LMNTD1: variants seen among roughly 807,000 people sequenced by gnomAD.
LMNTD1 encodes lamin tail domain-containing protein 1.
A neutral mutation model predicts 50.9 loss-of-function variants in LMNTD1; 35 were observed. The ratio of observed to expected loss-of-function variants is 0.69; its 90% CI spans 0.53 to 0.91. LMNTD1 has a LOEUF of 0.91. LMNTD1 is among the 40% of genes least tolerant of loss of function. The pLI is 0.00. For synonymous variants in LMNTD1, 153 were observed against 161.9 expected (o/e 0.94, Z 0.42); for missense variants, 470 against 475.5 (o/e 0.99, Z 0.11).
chr12:25,615,335 C>T (rs959220813), intron 1 of LMNTD1, among the ~76,000 whole-genome samples: 3 of 152,124 alleles, frequency 2.0e-5, no homozygotes, highest in Non-Finnish European at 4.4e-5. Context: ...TAATTCAGTT[C>T]CCTTTGCAGT....
intron 1 of LMNTD1, among the ~76,000 whole-genome samples, chr12:25,641,213 A>C (rs1174244305): frequency 6.6e-6 from 1 of 152,130 alleles, no homozygotes; most frequent in East Asian, 1.9e-4. Flanking sequence ...GTTTTTATTA[A>C]TGTTCATAAG....
intron 1 of LMNTD1, among the ~76,000 whole-genome samples, chr12:25,587,361 A>C (rs1945561600): frequency 6.6e-6 from 1 of 152,250 alleles, no homozygotes. Flanking sequence ...GCATGGTGCC[A>C]GTATCTGCTC....
At position 25,518,953 on chromosome 12, in the gene LMNTD1, G is replaced by T; in HGVS notation, c.1031C>A (p.Pro344Gln). ...GCTGCGATTAGGGAAAACGGTTGGTGGGATTTCCTTCTCTCTGTAAAAGAA... is the reference window on the plus strand; with the variant it reads ...GCTGCGATTAGGGAAAACGGTTGGTTGGATTTCCTTCTCTCTGTAAAAGAA... Reference protein sequence around the residue: ...QVLLKREKEIPPTVFPNRSPW... With the variant: ...QVLLKREKEIQPTVFPNRSPW... Residue 344 changes from proline (P) to glutamine (Q), a missense_variant, in exon 8 of 10, where the codon CCA becomes CAA. By Grantham distance (76) the Pro-to-Gln change is moderately conservative. Coordinates refer to ENST00000458174, the MANE Select transcript of LMNTD1 (RefSeq NM_001145728.2). 6.2e-7 allele frequency: 1 copy of T among 1,614,030 alleles called. No individual in the cohort carries two copies. The highest frequency in any genetic ancestry group is 8.5e-7 in the Non-Finnish European group (1 of 1,179,974).
At chr12:25,628,345 G>C (rs1300077227) in intron 1 of LMNTD1, among the ~76,000 whole-genome samples, 1 of 151,920 alleles carries the variant, frequency 6.6e-6, no homozygotes, top group African/African-American at 2.4e-5. Flanking sequence ...CCCAAAACAG[G>C]AGTTCAGAGG....
chr12:25,537,102 A>G (rs530104059), intron 4 of LMNTD1, among the ~76,000 whole-genome samples: 47 of 152,274 alleles, frequency 3.1e-4, no homozygotes, highest in African/African-American at 1.0e-3. Context: ...CCTGATTGCT[A>G]GCACAGCAGT....
intron 8 of LMNTD1, among the ~76,000 whole-genome samples, chr12:25,506,802 A>T (rs1939819992): frequency 6.6e-6 from 1 of 151,840 alleles, no homozygotes; most frequent in African/African-American, 2.4e-5. Flanking sequence ...AGAAAATGTT[A>T]ATGAATAATA....
At chr12:25,570,747 G>A (rs931492342) in intron 1 of LMNTD1, among the ~76,000 whole-genome samples, 9 of 152,098 alleles carry the variant, frequency 5.9e-5, no homozygotes, top group Non-Finnish European at 8.8e-5. Context: ...ATAATTAGAC[G>A]AATTATAGGA....
intron 9 of LMNTD1, among the ~76,000 whole-genome samples, chr12:25,501,932 T>G (rs2135940694): frequency 6.6e-6 from 1 of 152,252 alleles, no homozygotes; most frequent in Admixed American, 6.5e-5. Flanking sequence ...AAGGGCACAT[T>G]GATGATCAAC....
chr12:25,630,948 C>A (rs867889838), intron 1 of LMNTD1, among the ~76,000 whole-genome samples: 21 of 152,184 alleles, frequency 1.4e-4, no homozygotes, highest in African/African-American at 4.8e-4. Context: ...GAAACAGACT[C>A]AGGGCTCTTA....
chr12:25,515,229 T>A (rs1021400153), intron 8 of LMNTD1, among the ~76,000 whole-genome samples: 1 of 151,816 alleles, frequency 6.6e-6, no homozygotes, highest in Non-Finnish European at 1.5e-5. Flanking sequence ...TATTTAAAAA[T>A]TTTTTCATCT....
chr12:25,582,274 T>C (rs570263151), intron 1 of LMNTD1: 2 of 152,368 alleles, frequency 1.3e-5, no homozygotes, highest in African/African-American at 4.8e-5. Flanking sequence ...TGTCTATGTA[T>C]CTGTGTCAAC....
upstream of LMNTD1, among the ~76,000 whole-genome samples, chr12:25,557,704 T>C (rs1194686019): frequency 6.6e-6 from 1 of 152,208 alleles, no homozygotes; most frequent in Non-Finnish European, 1.5e-5. Context: ...ATTTCACCTA[T>C]ACTCTTTTAA....
At chr12:25,596,413 G>A (rs922169957) in intron 1 of LMNTD1, among the ~76,000 whole-genome samples, 6 of 152,182 alleles carry the variant, frequency 3.9e-5, no homozygotes, top group African/African-American at 1.4e-4. Flanking sequence ...ATACAGGGAT[G>A]ATTTAACATT....
intron 1 of LMNTD1, among the ~76,000 whole-genome samples, chr12:25,627,162 C>G (rs1946607845): frequency 6.6e-6 from 1 of 152,178 alleles, no homozygotes; most frequent in Non-Finnish European, 1.5e-5. Flanking sequence ...CGTATTCTAG[C>G]CCTTTCAAGG....
At chr12:25,491,571 A>T (rs1436122788) in intron 9 of LMNTD1, among the ~76,000 whole-genome samples, 1 of 152,270 alleles carries the variant, frequency 6.6e-6, no homozygotes, top group Non-Finnish European at 1.5e-5. Context: ...TTATAGACCA[A>T]GTAACAAATT....
chr12:25,590,667 G>A (rs1592080999), intron 1 of LMNTD1, among the ~76,000 whole-genome samples: 1 of 152,158 alleles, frequency 6.6e-6, no homozygotes, highest in East Asian at 1.9e-4. Flanking sequence ...GGAGAGGAGA[G>A]GGAAGAGTAT....
chr12:25,525,846 T>C (rs1034275482), intron 6 of LMNTD1, among the ~76,000 whole-genome samples: 2 of 151,948 alleles, frequency 1.3e-5, no homozygotes, highest in Non-Finnish European at 2.9e-5. Context: ...AACTAATGAG[T>C]GCTCTTCCAT....
chr12:25,618,897 C>A (rs1308390995), intron 1 of LMNTD1, among the ~76,000 whole-genome samples: 2 of 152,120 alleles, frequency 1.3e-5, no homozygotes, highest in Admixed American at 6.5e-5. Context: ...ACCTAATAGC[C>A]ATTCACTGAA....
chr12:25,504,361 T>G (rs1474879099), intron 8 of LMNTD1, among the ~76,000 whole-genome samples: 1 of 152,196 alleles, frequency 6.6e-6, no homozygotes, highest in African/African-American at 2.4e-5. Flanking sequence ...CCTTCCTTAC[T>G]CTCATCTACT....
Sources: allele counts gnomAD v4.1 joint callset (sites outside exome capture counted in the v4.1 genomes callset), GRCh38; gene constraint gnomAD v4.1.1; transcripts MANE v1.5; gene names NCBI Gene and HGNC (gene_info 2026-07-23, HGNC 2026-07-21).